The following UPF2 variants were observed in gnomAD, a reference collection of about 807,000 sequenced individuals.
UPF2 encodes regulator of nonsense transcripts 2.
A neutral mutation model predicts 141.4 loss-of-function variants in UPF2; 17 were observed. The observed-to-expected ratio is 0.12, with a 90% CI of 0.08 to 0.18. The LOEUF (loss-of-function observed/expected upper bound fraction) is 0.18. Among genes scored for constraint, UPF2 ranks in the 10% least tolerant of loss-of-function variants. UPF2 has a pLI of 1.00. For synonymous variants in UPF2, 540 were observed against 498.0 expected (o/e 1.08, Z -1.12); for missense variants, 1,152 against 1,515.9 (o/e 0.76, Z 3.99).
chr10:11,930,444 C>T (rs1235356758), intron 20 of UPF2, among the ~76,000 whole-genome samples: 1 of 152,186 alleles, frequency 6.6e-6, no homozygotes, highest in East Asian at 1.9e-4. Flanking sequence ...AAAACAGTGT[C>T]TGGCCAAAGA....
rs1832927570 is a variant in UPF2, at chr10:11,940,832, C to T, written c.3378+1833G>A. Among the ~76,000 whole-genome samples, 1 of 152,196 alleles carries T rather than the reference C, an allele frequency of 6.6e-6. No homozygotes were observed. The highest frequency in any genetic ancestry group is 1.5e-5 in the Non-Finnish European group (1 of 68,038). On this transcript the variant is annotated intron_variant, in intron 18 of 21. Coordinates refer to ENST00000357604, the MANE Select transcript of UPF2 (RefSeq NM_015542.4). This position sits in a 1 kb window ranked among gnomAD's most constrained non-coding sequence, Gnocchi z 4.2. ...TCTGCCCTCCCACACAGGATTGTGC[C>T]CCGCCCTCTATTAGTGCTGGCCGCC...
At chr10:11,963,901 G>A in intron 11 of UPF2, 108 bp downstream of exon 11, 1 of 717,786 alleles carries the variant, frequency 1.4e-6, no homozygotes, top group South Asian at 2.3e-5. Context: ...AGAAATGTTT[G>A]TATTCATATG....
At chr10:12,022,273 G>A (rs78854768) in intron 3 of UPF2, among the ~76,000 whole-genome samples, 7 of 151,930 alleles carry the variant, frequency 4.6e-5, no homozygotes, top group Admixed American at 6.6e-5. Context: ...TTAGCCAGGC[G>A]TGGCGGCATG....
At chr10:11,961,267 A>G (rs951831621) in intron 11 of UPF2, among the ~76,000 whole-genome samples, 2 of 152,076 alleles carry the variant, frequency 1.3e-5, no homozygotes, top group African/African-American at 4.8e-5. Flanking sequence ...TTTCAATAAT[A>G]ATTGCAACAG....
chr10:12,020,958 T>C (rs1379969240), intron 3 of UPF2, among the ~76,000 whole-genome samples: 6 of 152,222 alleles, frequency 3.9e-5, no homozygotes, highest in Admixed American at 2.6e-4. Context: ...ACCACAGAAC[T>C]GTTTATTTTA....
chr10:11,945,693 A>G (rs1310204813), intron 16 of UPF2, among the ~76,000 whole-genome samples: 1 of 152,236 alleles, frequency 6.6e-6, no homozygotes, highest in Non-Finnish European at 1.5e-5. Context: ...AAAAAGGAGA[A>G]AATGCACTTA....
intron 8 of UPF2, among the ~76,000 whole-genome samples, chr10:11,986,097 G>T (rs561626203): frequency 1.5e-4 from 23 of 151,404 alleles, no homozygotes; most frequent in Non-Finnish European, 2.9e-4. Flanking sequence ...TGATAGCCAG[G>T]ATGGTCTCGA....
intron 21 of UPF2, among the ~76,000 whole-genome samples, chr10:11,927,091 T>C (rs1832722756): frequency 6.6e-6 from 1 of 152,218 alleles, no homozygotes; most frequent in Non-Finnish European, 1.5e-5. Flanking sequence ...TCGGCTTCCC[T>C]ACTGGACCAC....
At chr10:11,970,171 G>A (rs75343377) in intron 9 of UPF2, among the ~76,000 whole-genome samples, 9,106 of 152,240 alleles carry the variant, frequency 0.06, 371 homozygotes, top group Non-Finnish European at 0.092. Context: ...TAATGATGAT[G>A]ATGGTAGTGA....
rs1292597671 is a variant in UPF2 at position 11,936,227 on chromosome 10, G to A, written c.3546+318C>T. Reference sequence around the variant, plus strand: ...TCTACTAAAAATACAAAAATTAGCCGGGCGTCATGGTGGACGCCTGTAATC... The same window carrying A: ...TCTACTAAAAATACAAAAATTAGCCAGGCGTCATGGTGGACGCCTGTAATC... On this transcript the variant is annotated intron_variant, in intron 19 of 21. Transcript: ENST00000357604. This position sits in a 1 kb window ranked among gnomAD's most constrained non-coding sequence, Gnocchi z 6.6. 2.6e-5 allele frequency among the ~76,000 whole-genome samples: 4 copies of A among 151,912 alleles called. No individual in the cohort carries two copies. The highest frequency in any genetic ancestry group is 5.9e-5 in the Non-Finnish European group (4 of 67,984).
chr10:12,006,150 G>C (rs1834031915), intron 4 of UPF2, among the ~76,000 whole-genome samples: 1 of 152,238 alleles, frequency 6.6e-6, no homozygotes, highest in Admixed American at 6.5e-5. Flanking sequence ...AAAGTGCTGG[G>C]ATTACAGGCA....
At chr10:11,988,307 A>G (rs1833727371) in intron 8 of UPF2, among the ~76,000 whole-genome samples, 1 of 152,154 alleles carries the variant, frequency 6.6e-6, no homozygotes, top group African/African-American at 2.4e-5. Flanking sequence ...TGCTGTGTTT[A>G]TTTTTGTAAT....
intron 10 of UPF2, among the ~76,000 whole-genome samples, chr10:11,966,466 C>A (rs574270349): frequency 6.6e-5 from 10 of 152,218 alleles, no homozygotes; most frequent in African/African-American, 2.4e-4. Context: ...CTCTTGTTAC[C>A]CAGACTGGAG....
Position 11,980,854 on chromosome 10 carries a change from C to T in UPF2, c.1845-1689G>A, listed in dbSNP as rs1833579948. Among the ~76,000 whole-genome samples the T allele has an allele frequency of 6.6e-6, 1 of 152,138 alleles. No individual in the cohort carries two copies. The highest frequency in any genetic ancestry group is 1.5e-5 in the Non-Finnish European group (1 of 68,034). ...AGCTCCTCAGATGGATACATTAACC[C>T]TTAGCTAAAGGGACACTGAAAAAAG... On this transcript the variant is annotated intron_variant, in intron 8 of 21. Transcript: ENST00000357604. This position sits in a 1 kb window ranked among gnomAD's most constrained non-coding sequence, Gnocchi z 4.2.
At position 11,943,150 on chromosome 10, in the gene UPF2, CATCATT is replaced by C. The variant is rs754729615; in HGVS notation, c.3187_3192del (p.Asn1063_Asp1064del). On this transcript the variant is annotated inframe_deletion, in exon 17 of 22. Coordinates refer to ENST00000357604, the MANE Select transcript of UPF2 (RefSeq NM_015542.4). ...TCCTCCTCTTCTTCTCCCTCATCAT[CATCATT>C]ATCAGAACCCTCCTGAAATTATTGA... 1 of 1,610,134 alleles carries C rather than the reference CATCATT, an allele frequency of 6.2e-7. No individual in the cohort carries two copies. The highest frequency in any genetic ancestry group is 2.2e-5 in the East Asian group (1 of 44,776).
At position 11,980,910 on chromosome 10, in the gene UPF2, T is replaced by TAGGCTGGGCATA. The variant is rs1833580829; in HGVS notation, c.1845-1746_1845-1745insTATGCCCAGCCT. Among the ~76,000 whole-genome samples, 1 of 151,966 alleles carries TAGGCTGGGCATA rather than the reference T, an allele frequency of 6.6e-6. No homozygotes were observed. The highest frequency in any genetic ancestry group is 6.6e-5 in the Admixed American group (1 of 15,234). On this transcript the variant is annotated intron_variant, in intron 8 of 21. Transcript: ENST00000357604. The surrounding 1 kb of genome is among the most constrained non-coding windows in gnomAD (Gnocchi z 4.2). ...TGGAAATAAATTTGAAAGGTATGGTTAGGCTGGGCATGGTGGTCAATAATC... is the reference window on the plus strand; with the variant it reads ...TGGAAATAAATTTGAAAGGTATGGTTAGGCTGGGCATAAGGCTGGGCATGGTGGTCAATAATC...
At chr10:11,957,983 C>A (rs1191280296) in intron 12 of UPF2, among the ~76,000 whole-genome samples, 1 of 152,120 alleles carries the variant, frequency 6.6e-6, no homozygotes, top group African/African-American at 2.4e-5. Context: ...AAAGTACTTA[C>A]TTCCTAGTTT....
intron 4 of UPF2, among the ~76,000 whole-genome samples, chr10:12,013,329 T>C (rs999847428): frequency 2.0e-5 from 3 of 148,414 alleles, no homozygotes; most frequent in Non-Finnish European, 4.5e-5. Context: ...CAGGCTGGAG[T>C]GCAGTGGCAC....
intron 10 of UPF2, among the ~76,000 whole-genome samples, chr10:11,965,324 C>T (rs1008886675): frequency 1.3e-5 from 2 of 152,156 alleles, no homozygotes; most frequent in African/African-American, 4.8e-5. Flanking sequence ...TTTCAGCACT[C>T]AGAACATTTT....
Sources: allele counts gnomAD v4.1 joint callset (sites outside exome capture counted in the v4.1 genomes callset), GRCh38; gene constraint gnomAD v4.1.1; non-coding constraint Gnocchi (gnomAD v3.1); transcripts MANE v1.5; gene names NCBI Gene and HGNC (gene_info 2026-07-23, HGNC 2026-07-21).